The following ZNF276 variants were observed in gnomAD, a reference collection of about 807,000 sequenced individuals.
ZNF276 encodes the protein zinc finger protein 276.
ZNF276 carries 59 observed loss-of-function variants against 63.9 expected under a neutral mutation model. The ratio of observed to expected loss-of-function variants is 0.92; its 90% CI spans 0.75 to 1.15. The LOEUF (loss-of-function observed/expected upper bound fraction) is 1.15. Among genes scored for constraint, ZNF276 ranks in the 50% most tolerant of loss-of-function variants. The pLI, the probability that ZNF276 is intolerant of heterozygous loss-of-function variation, is 0.00. For missense variants in ZNF276, 1,084 were observed against 843.8 expected (o/e 1.28, Z -3.53); for synonymous variants, 496 against 348.4 (o/e 1.42, Z -4.72).
chr16:89,727,993 C>G (rs1460242327), intron 5 of ZNF276, among the ~76,000 whole-genome samples: 5 of 152,166 alleles, frequency 3.3e-5, no homozygotes, highest in Admixed American at 1.3e-4. Flanking sequence ...CTGGGGTTTG[C>G]ACCGTTTCCA....
rs1300437872 is a variant in ZNF276 at position 89,722,756 on chromosome 16, A to G, written c.431A>G (p.Tyr144Cys). Residue 144 changes from tyrosine (Y) to cysteine (C), a missense_variant, in exon 2 of 11, where the codon TAC (tyrosine) becomes TGC (cysteine). Physicochemically the swap from Tyr to Cys is radical, Grantham distance 194. Transcript: ENST00000443381. ...FVCKSCHAQF[Y>C]QCHSLLKSFL... ...TGCAAGAGCTGCCACGCCCAGTTCT[A>G]CCAGTGCCACAGCCTTCTCAAGTCC... The G allele has an allele frequency of 6.2e-7, 1 of 1,611,156 alleles. No individual in the cohort carries two copies. The highest frequency in any genetic ancestry group is 8.5e-7 in the Non-Finnish European group (1 of 1,180,018).
In ZNF276 at chr16:89,740,007, CT is replaced by C. The variant is rs1228394297; in HGVS notation, c.*1762del. ...CGTGTTTCTTACCACTCTCTGTCAA[CT>C]GAAAGAGTGCCAGCCAGGATATCTT... On this transcript the variant is annotated 3_prime_UTR_variant, in exon 11 of 11. Coordinates refer to ENST00000443381, the MANE Select transcript of ZNF276 (RefSeq NM_001113525.2). 6 of 1,614,190 alleles carry C rather than the reference CT, an allele frequency of 3.7e-6. No individual in the cohort carries two copies. Among genetic ancestry groups the C allele is most frequent in the Non-Finnish European group, 5.1e-6 (6 of 1,179,996 alleles).
intron 6 of ZNF276, among the ~76,000 whole-genome samples, chr16:89,731,248 T>G (rs1312302663): frequency 1.3e-5 from 2 of 152,232 alleles, no homozygotes; most frequent in African/African-American, 4.8e-5. Context: ...ACAGTTCTTC[T>G]CAGTGCGTTT....
At chr16:89,732,888 T>G (rs2061711957) in intron 6 of ZNF276, 1 of 278,464 alleles carries the variant, frequency 3.6e-6, no homozygotes, top group African/African-American at 2.4e-5. Context: ...TACCCCGCTG[T>G]ACCCTGCGCC....
intron 9 of ZNF276, 28 bp downstream of exon 9, chr16:89,734,066 C>T (rs570363476): frequency 1.1e-5 from 18 of 1,595,524 alleles, no homozygotes; most frequent in South Asian, 4.4e-5. Context: ...GTCGCCCACG[C>T]GGGTGACAGC....
At position 89,739,352 on chromosome 16, in the gene ZNF276, AG is replaced by A; in HGVS notation, c.*1109del. ...GCTGGAAAGGTAGCAGGTGATGCCA[AG>A]GGATACTGCTCATCTGTGGAGCAGA... On this transcript the variant is annotated 3_prime_UTR_variant, in exon 11 of 11. Transcript: ENST00000443381. 1 of 1,602,284 alleles carries A rather than the reference AG, an allele frequency of 6.2e-7. No individual in the cohort carries two copies. The highest frequency in any genetic ancestry group is 8.5e-7 in the Non-Finnish European group (1 of 1,170,656).
rs1248048701 is a variant in ZNF276 at position 89,740,832 on chromosome 16, C to G, written c.*2586C>G. 1 of 1,613,472 alleles carries G rather than the reference C, an allele frequency of 6.2e-7. No homozygotes were observed. The highest frequency in any genetic ancestry group is 1.7e-5 in the Admixed American group (1 of 59,920). ...TGAGGTCAGATGTGACGACAGCAGG[C>G]CCATCAAGGAGAAGAAGAAAAGGAA... is the stretch of plus-strand genomic sequence containing the variant. On this transcript the variant is annotated 3_prime_UTR_variant, in exon 11 of 11. Coordinates refer to ENST00000443381, the MANE Select transcript of ZNF276 (RefSeq NM_001113525.2).
chr16:89,720,671 A>C, upstream of ZNF276: 1 of 1,261,130 alleles, frequency 7.9e-7, no homozygotes, highest in Non-Finnish European at 1.0e-6. Flanking sequence ...CCAAGTCTCC[A>C]GCCCGAGCCG....
At chr16:89,735,355 G>GT (rs2061822179) in intron 9 of ZNF276, among the ~76,000 whole-genome samples, 1 of 152,080 alleles carries the variant, frequency 6.6e-6, no homozygotes, top group Non-Finnish European at 1.5e-5. Context: ...GTTTTCCTTG[G>GT]TTTTGAACTT....
upstream of ZNF276, chr16:89,720,792 T>G (rs2061243482): frequency 1.4e-6 from 2 of 1,459,526 alleles, no homozygotes; most frequent in African/African-American, 1.5e-5. Flanking sequence ...TCCAGCTCGA[T>G]GGCCCCGTTG....
Position 89,739,090 on chromosome 16 carries a change from T to TG in ZNF276, c.*850dup, listed in dbSNP as rs747194256. 9 of 1,613,750 alleles carry TG rather than the reference T, an allele frequency of 5.6e-6. No individual in the cohort carries two copies. In the East Asian group the frequency reaches 6.7e-5, roughly 12 times the overall value. On this transcript the variant is annotated 3_prime_UTR_variant, in exon 11 of 11. Transcript: ENST00000443381. ...TTCTTTGGCAGAAGGAGCCTCCGGCTGGGGGGAGCTCCCCTGGAGGTGGGA... is the reference window on the plus strand; with the variant it reads ...TTCTTTGGCAGAAGGAGCCTCCGGCTGGGGGGGAGCTCCCCTGGAGGTGGGA...
chr16:89,730,156 A>C (rs1292658537), intron 6 of ZNF276, among the ~76,000 whole-genome samples: 1 of 152,168 alleles, frequency 6.6e-6, no homozygotes, highest in Non-Finnish European at 1.5e-5. Flanking sequence ...GCAGTGGAGG[A>C]GGCCCGGAGA....
In ZNF276 at chr16:89,738,083, G is replaced by A. The variant is rs960626938; in HGVS notation, c.1682G>A (p.Arg561Gln). ...ELDFACDQCG[R>Q]RFEKAHNLNV... Reference sequence around the variant, plus strand: ...GACTTTGCCTGTGACCAGTGTGGCCGGCGGTTTGAGAAGGCCCACAACCTC... The same window carrying A: ...GACTTTGCCTGTGACCAGTGTGGCCAGCGGTTTGAGAAGGCCCACAACCTC... Residue 561 changes from arginine to glutamine, a missense_variant, in exon 11 of 11, where the codon CGG becomes CAG. Arg to Gln is a conservative substitution (Grantham distance 43, BLOSUM62 1). Coordinates refer to ENST00000443381, the MANE Select transcript of ZNF276 (RefSeq NM_001113525.2). The A allele has an allele frequency of 9.3e-6, 15 of 1,613,928 alleles. No individual in the cohort carries two copies. Among genetic ancestry groups the A allele is most frequent in the Middle Eastern group, 1.6e-4 (1 of 6,084 alleles).
intron 4 of ZNF276, among the ~76,000 whole-genome samples, chr16:89,726,976 C>G (rs1332045534): frequency 6.6e-6 from 1 of 152,210 alleles, no homozygotes; most frequent in Non-Finnish European, 1.5e-5. Flanking sequence ...GAACATCCAC[C>G]AAGTCCAGGC....
intron 4 of ZNF276, among the ~76,000 whole-genome samples, chr16:89,724,893 T>C (rs1012626831): frequency 2.6e-5 from 4 of 152,238 alleles, no homozygotes; most frequent in Non-Finnish European, 4.4e-5. Context: ...TATATCTATG[T>C]ATCTACTTAT....
chr16:89,721,034 G>T, upstream of ZNF276: 2 of 573,004 alleles, frequency 3.5e-6, no homozygotes, highest in Non-Finnish European at 5.1e-6. Context: ...CCCCACGGGT[G>T]TTAGTGGCGG....
intron 6 of ZNF276, chr16:89,732,556 G>T (rs16965992): frequency 0.037 from 6,058 of 161,692 alleles, 273 homozygotes; most frequent in African/African-American, 0.1. Context: ...ACCTCTAGTT[G>T]TGGGTTTTAT....
chr16:89,740,878 A>AAC lies in ZNF276; in HGVS notation c.*2633_*2634dup, dbSNP rs770872562. 15 of 1,608,442 alleles carry AAC rather than the reference A, an allele frequency of 9.3e-6. No homozygotes were observed. The highest frequency in any genetic ancestry group is 1.3e-5 in the Non-Finnish European group (15 of 1,176,422). On this transcript the variant is annotated 3_prime_UTR_variant, in exon 11 of 11. Transcript: ENST00000443381. ...AGGAAAACCAATAGCTGTAAATAAA[A>AAC]ACGTGCACTTATTATTACATTAAAA...
At position 89,732,948 on chromosome 16, in the gene ZNF276, TCCTCTGCTGTGCCCTCCC is replaced by T. The variant is rs1484081965; in HGVS notation, c.1170-342_1170-325del. ...GACCCTGCTGTACCCTGCGCCCTCATCCTCTGCTGTGCCCTCCCCCTCTGCTGTGTTCGCCCTGACCCT... is the reference window on the plus strand; with the variant it reads ...GACCCTGCTGTACCCTGCGCCCTCATCCTCTGCTGTGTTCGCCCTGACCCT... On this transcript the variant is annotated intron_variant, in intron 6 of 10. Coordinates refer to ENST00000443381, the MANE Select transcript of ZNF276 (RefSeq NM_001113525.2). 267 of 307,674 alleles carry T rather than the reference TCCTCTGCTGTGCCCTCCC, an allele frequency of 8.7e-4. 1 individual carries two copies. Among genetic ancestry groups the T allele is most frequent in the Non-Finnish European group, 1.2e-3 (205 of 167,794 alleles). 19.1% of individuals were successfully genotyped at this position (307,674 alleles called of 1,614,324 possible).
Sources: gnomAD v4.1 joint callset for allele counts (sites outside exome capture counted in the v4.1 genomes callset) on GRCh38, gnomAD v4.1.1 for gene constraint, MANE v1.5 for transcripts, NCBI Gene and HGNC (gene_info 2026-07-23, HGNC 2026-07-21) for gene names.